DNM3: variants seen among roughly 807,000 people sequenced by gnomAD.
DNM3 encodes the protein dynamin-3.
In DNM3, 47 loss-of-function variants were observed where a neutral mutation model predicts 101.6. That is an observed-to-expected ratio of 0.46 (90% confidence interval 0.37 to 0.59). The LOEUF (loss-of-function observed/expected upper bound fraction) is 0.59. DNM3 is among the 20% of genes least tolerant of loss of function. DNM3 has a pLI of 0.00. For synonymous variants in DNM3, 385 were observed against 387.9 expected (o/e 0.99, Z 0.09); for missense variants, 849 against 1,085.7 (o/e 0.78, Z 3.06).
At chr1:172,171,844 T>A (rs543432654) in intron 14 of DNM3, among the ~76,000 whole-genome samples, 4 of 151,760 alleles carry the variant, frequency 2.6e-5, no homozygotes, top group South Asian at 2.1e-4. Flanking sequence ...GTCAAAAAAA[T>A]TTCTGTAAAT....
intron 14 of DNM3, chr1:172,140,592 G>A (rs1381142715): frequency 1.3e-5 from 2 of 151,782 alleles, no homozygotes; most frequent in Non-Finnish European, 2.9e-5. Flanking sequence ...AATGATGCAT[G>A]CAACCTGAAA....
intron 2 of DNM3, among the ~76,000 whole-genome samples, chr1:171,926,090 T>C (rs780879373): frequency 2.0e-5 from 3 of 152,180 alleles, no homozygotes; most frequent in Admixed American, 2.0e-4. Context: ...TACCATGCTG[T>C]TTTGGTTACT....
intron 20 of DNM3, among the ~76,000 whole-genome samples, chr1:172,392,942 A>C (rs2069652499): frequency 1.3e-5 from 2 of 152,214 alleles, no homozygotes; most frequent in Non-Finnish European, 2.9e-5. Context: ...TGCTCCCTTG[A>C]AGGAGTCTCT....
intron 17 of DNM3, among the ~76,000 whole-genome samples, chr1:172,326,298 G>T (rs2065935737): frequency 6.6e-6 from 1 of 152,044 alleles, no homozygotes; most frequent in Admixed American, 6.6e-5. Flanking sequence ...ATGTTTTCGT[G>T]TTGGCATAGT....
intron 1 of DNM3, among the ~76,000 whole-genome samples, chr1:171,847,888 CTCTCTCTCTGTGTG>C (rs897853899): frequency 8.6e-5 from 6 of 69,560 alleles, no homozygotes; most frequent in Admixed American, 6.8e-4. Flanking sequence ...TACTCTCTCT[CTCTCTCTCTGTGTG>C]TGTGTGTGTG....
At chr1:172,026,564 C>G (rs912519017) in intron 4 of DNM3, among the ~76,000 whole-genome samples, 1 of 151,808 alleles carries the variant, frequency 6.6e-6, no homozygotes, top group East Asian at 1.9e-4. Context: ...AGAGAAAGAT[C>G]GGGTTACACA....
chr1:172,021,423 C>T (rs993169852), intron 4 of DNM3, among the ~76,000 whole-genome samples: 4 of 152,070 alleles, frequency 2.6e-5, no homozygotes, highest in Admixed American at 2.6e-4. Flanking sequence ...AGCCATTACA[C>T]TCCAGCCTGG....
chr1:171,985,008 G>C (rs1280734752), intron 2 of DNM3, among the ~76,000 whole-genome samples: 1 of 152,096 alleles, frequency 6.6e-6, no homozygotes, highest in African/African-American at 2.4e-5. Context: ...AAATTGCATT[G>C]ATTTTACACC....
intron 17 of DNM3, among the ~76,000 whole-genome samples, chr1:172,337,860 A>AT (rs1470218529): frequency 8.9e-5 from 13 of 145,704 alleles, no homozygotes; most frequent in African/African-American, 2.3e-4. Flanking sequence ...ATTTTATTTT[A>AT]TTTTATTTTT....
chr1:171,982,965 T>C (rs2044921831), intron 2 of DNM3, among the ~76,000 whole-genome samples: 1 of 152,152 alleles, frequency 6.6e-6, no homozygotes, highest in Non-Finnish European at 1.5e-5. Flanking sequence ...TGTTTCTTTC[T>C]TTCTGGCCTC....
rs192866810 is a variant in DNM3 at position 172,092,188 on chromosome 1, A to C, written c.1494-636A>C. Among the ~76,000 whole-genome samples the C allele has an allele frequency of 2.3e-3, 348 of 152,344 alleles. 10 individuals carry two copies. Among genetic ancestry groups the C allele is most frequent in the Admixed American group, 0.021 (319 of 15,302 alleles). On this transcript the variant is annotated intron_variant, in intron 12 of 20. Coordinates refer to ENST00000627582, the MANE Select transcript of DNM3 (RefSeq NM_015569.5). ...GGTTAAGTTGTTAAAAACATCAATAAGTCCAGAGTTGGGACTCATACATAT... is the reference window on the plus strand; with the variant it reads ...GGTTAAGTTGTTAAAAACATCAATACGTCCAGAGTTGGGACTCATACATAT...
At chr1:172,057,339 G>C (rs1317118626) in intron 10 of DNM3, among the ~76,000 whole-genome samples, 1 of 152,130 alleles carries the variant, frequency 6.6e-6, no homozygotes, top group Non-Finnish European at 1.5e-5. Flanking sequence ...AGGAAATACA[G>C]AGAATGCCAC....
At position 172,325,530 on chromosome 1, in the gene DNM3, T is replaced by TAAA. The variant is rs61218047; in HGVS notation, c.1893+2197_1893+2199dup. Among the ~76,000 whole-genome samples the TAAA allele has an allele frequency of 2.7e-3, 410 of 150,556 alleles. 8 individuals carry two copies. Among genetic ancestry groups the TAAA allele is most frequent in the Admixed American group, 0.021 (323 of 15,130 alleles). ...ATTATACTGACCATAGACTCTGGCATAAAAAAAAAGCCTCCTCAAATCACA... is the reference window on the plus strand; with the variant it reads ...ATTATACTGACCATAGACTCTGGCATAAAAAAAAAAAAGCCTCCTCAAATCACA... On this transcript the variant is annotated intron_variant, in intron 17 of 20. Coordinates refer to ENST00000627582, the MANE Select transcript of DNM3 (RefSeq NM_015569.5).
chr1:172,240,904 G>A (rs552488811), intron 14 of DNM3, among the ~76,000 whole-genome samples: 3 of 152,146 alleles, frequency 2.0e-5, no homozygotes, highest in Non-Finnish European at 2.9e-5. Context: ...TTTGAAATGG[G>A]CTAATTTGAA....
At chr1:172,309,111 GT>G in intron 16 of DNM3, 1 of 345,470 alleles carries the variant, frequency 2.9e-6, no homozygotes, top group Non-Finnish European at 5.2e-6. Flanking sequence ...TCAAGACAAA[GT>G]TTGTTTTATT....
At chr1:172,169,353 T>C (rs1278000204) in intron 14 of DNM3, among the ~76,000 whole-genome samples, 2 of 151,958 alleles carry the variant, frequency 1.3e-5, no homozygotes, top group Non-Finnish European at 1.5e-5. Flanking sequence ...TACATCTCTG[T>C]GACTGCTGCT....
At position 171,999,639 on chromosome 1, in the gene DNM3, C is replaced by G. The variant is rs563785616; in HGVS notation, c.589+10491C>G. 1.5e-3 allele frequency among the ~76,000 whole-genome samples: 227 copies of G among 152,254 alleles called. 2 individuals carry two copies. Among genetic ancestry groups the G allele is most frequent in the Non-Finnish European group, 1.2e-3 (82 of 67,992 alleles). On this transcript the variant is annotated intron_variant, in intron 4 of 20. Transcript: ENST00000627582. ...TAAAGCCCAACAGTCTACTCTCCCC[C>G]ATCCCATACCTGTGAATATTTGGAA...
intron 15 of DNM3, among the ~76,000 whole-genome samples, chr1:172,305,250 A>G (rs1175665505): frequency 6.6e-6 from 1 of 152,082 alleles, no homozygotes; most frequent in Non-Finnish European, 1.5e-5. Flanking sequence ...GAATACTACA[A>G]ACACATCTAC....
At chr1:172,048,588 G>A (rs781743880) in intron 9 of DNM3, 24 bp from the exon 10 acceptor site, 3 of 1,582,806 alleles carry the variant, frequency 1.9e-6, no homozygotes. Flanking sequence ...AAATCTCATG[G>A]GCTGCTTGCT....
Sources: allele counts gnomAD v4.1 joint callset (sites outside exome capture counted in the v4.1 genomes callset), GRCh38; gene constraint gnomAD v4.1.1; transcripts MANE v1.5; gene names NCBI Gene and HGNC (gene_info 2026-07-23, HGNC 2026-07-21).